FAM111B: variants seen among roughly 807,000 people sequenced by gnomAD.
FAM111B encodes the protein serine protease FAM111B.
Under a neutral mutation model 2.8 loss-of-function variants are expected in FAM111B, and 1 was observed. The observed-to-expected ratio is 0.36, with a 90% CI of 0.13 to 1.70. The LOEUF is 1.70. Ranked by LOEUF, FAM111B falls within the 40% of genes most tolerant of loss-of-function variation. The pLI is 0.35. For synonymous variants in FAM111B, 297 were observed against 295.6 expected, an observed-to-expected ratio of 1.00 and a Z score of -0.05; for missense variants, 882 against 878.9, an observed-to-expected ratio of 1.00 and a Z score of -0.04.
chr11:59,118,128 A>G (rs749085702), intron 3 of FAM111B, among the ~76,000 whole-genome samples: 5 of 152,218 alleles, frequency 3.3e-5, no homozygotes, highest in African/African-American at 7.2e-5. Flanking sequence ...TTCATCTGCA[A>G]TGCAGTGGAA....
intron 3 of FAM111B, among the ~76,000 whole-genome samples, chr11:59,121,910 C>T (rs1332219200): frequency 6.6e-6 from 1 of 152,002 alleles, no homozygotes; most frequent in South Asian, 2.1e-4. Context: ...TTTGGGAGGC[C>T]GAGGCAGGTG....
At position 59,126,605 on chromosome 11, in the gene FAM111B, C is replaced by CT; in HGVS notation, c.*307dup. 4.4e-6 allele frequency: 1 copy of CT among 229,630 alleles called. No individual in the cohort carries two copies. 14.2% of individuals were successfully genotyped at this position (229,630 alleles called of 1,614,324 possible). ...AGTGGGCAAAGGACATGAACAAACA[C>CT]TTTTCAAAAGAAGATATACACATGG... is the stretch of plus-strand genomic sequence containing the variant. On this transcript the variant is annotated 3_prime_UTR_variant, in exon 4 of 4. Coordinates refer to ENST00000343597, the MANE Select transcript of FAM111B (RefSeq NM_198947.4).
chr11:59,126,570 C>T lies in FAM111B; in HGVS notation c.*268C>T. 1 of 296,476 alleles carries T rather than the reference C, an allele frequency of 3.4e-6. No homozygotes were observed. The allele number at this position is 296,476 out of a possible 1,614,324, so 18.4% of individuals were successfully genotyped here. A position where few individuals can be genotyped will look rare whatever the true frequency, so the allele number is the denominator to read the frequency against. On this transcript the variant is annotated 3_prime_UTR_variant, in exon 4 of 4. Transcript: ENST00000343597. Reference sequence around the variant, plus strand: ...TTAACAAGCAAAAAAAACAAGCAACCCCATTAAAAAGTGGGCAAAGGACAT... The same window carrying T: ...TTAACAAGCAAAAAAAACAAGCAACTCCATTAAAAAGTGGGCAAAGGACAT...
chr11:59,107,553 C>G (rs1449244001), intron 1 of FAM111B, among the ~76,000 whole-genome samples: 6 of 152,130 alleles, frequency 3.9e-5, no homozygotes, highest in Non-Finnish European at 8.8e-5. Context: ...CTTTCCCTGC[C>G]CGGTGCCGTT....
At position 59,126,752 on chromosome 11, in the gene FAM111B, C is replaced by T. The variant is rs73489484; in HGVS notation, c.*450C>T. 0.019 allele frequency: 3,049 copies of T among 158,360 alleles called. 95 individuals are homozygous for T. Among genetic ancestry groups the T allele is most frequent in the African/African-American group, 0.064 (2,641 of 41,534 alleles). The allele number at this position is 158,360 out of a possible 1,614,324, so 9.8% of individuals were successfully genotyped here. A position where few individuals can be genotyped will look rare whatever the true frequency, so the allele number is the denominator to read the frequency against. The stretch of plus-strand genomic sequence containing the variant: ...AATGCCAAAAAATTACAGATGCTGG[C>T]GAGGTTGCAGAGAAAGGGGAATGCT... On this transcript the variant is annotated 3_prime_UTR_variant, in exon 4 of 4. Coordinates refer to ENST00000343597, the MANE Select transcript of FAM111B (RefSeq NM_198947.4).
rs760756005 is a variant in FAM111B, at chr11:59,125,688, T to C, written c.1591T>C (p.Ser531Pro). Residue 531 changes from serine (S) to proline (P), a missense_variant, in exon 4 of 4, where the codon TCC becomes CCC. Coordinates refer to ENST00000343597, the MANE Select transcript of FAM111B (RefSeq NM_198947.4). ...CTGCCCTACTCCTGACAATTGGTTTTCCATTGAGCCATGGCTTAAAGTGTC... is the reference window on the plus strand; with the variant it reads ...CTGCCCTACTCCTGACAATTGGTTTCCCATTGAGCCATGGCTTAAAGTGTC... ...EFCPTPDNWF[S>P]IEPWLKVSNE... 5 of 1,613,810 alleles carry C rather than the reference T, an allele frequency of 3.1e-6. No homozygotes were observed. The South Asian group carries it at 4.4e-5, about 14-fold the overall frequency.
chr11:59,124,213 C>T lies in FAM111B; in HGVS notation c.116C>T (p.Pro39Leu). 6.2e-7 allele frequency: 1 copy of T among 1,613,308 alleles called. No individual in the cohort carries two copies. The highest frequency in any genetic ancestry group is 8.5e-7 in the Non-Finnish European group (1 of 1,179,536). ...TVMKQTHADT[P>L]VDHCLSGIRK... ...ATGAAGCAGACACATGCTGACACAC[C>T]TGTTGATCATTGTCTATCTGGCATA... Residue 39 changes from proline to leucine, a missense_variant, in exon 4 of 4, where the codon CCT becomes CTT. By Grantham distance (98) the Pro-to-Leu change is moderately conservative. Coordinates refer to ENST00000343597, the MANE Select transcript of FAM111B (RefSeq NM_198947.4).
rs765515289 is a variant in FAM111B, at chr11:59,124,999, C to CT, written c.903dup (p.Lys302Ter). The stretch of plus-strand genomic sequence containing the variant: ...ATTAATCACCAGAGTCTGATACAGT[C>CT]TAAGAAAAAAGTCCACAAACCAAAG... On this transcript the variant is annotated frameshift_variant, in exon 4 of 4. Transcript: ENST00000343597. LOFTEE classifies it low-confidence loss of function (END_TRUNC). The CT allele has an allele frequency of 3.1e-6, 5 of 1,612,284 alleles. No individual in the cohort carries two copies. The highest frequency in any genetic ancestry group is 4.2e-6 in the Non-Finnish European group (5 of 1,179,608).
chr11:59,110,598 G>C (rs569207048), intron 3 of FAM111B, among the ~76,000 whole-genome samples: 23 of 152,154 alleles, frequency 1.5e-4, no homozygotes, highest in Admixed American at 1.0e-3. Flanking sequence ...GGAGGTGATA[G>C]ATAGGTTGAT....
At chr11:59,111,884 G>A (rs1408508358) in intron 3 of FAM111B, among the ~76,000 whole-genome samples, 2 of 152,044 alleles carry the variant, frequency 1.3e-5, no homozygotes, top group Non-Finnish European at 2.9e-5. Flanking sequence ...GGCAAAAGTA[G>A]AAGATACAAA....
At chr11:59,110,312 G>A (rs977537826) in intron 3 of FAM111B, among the ~76,000 whole-genome samples, 12 of 152,128 alleles carry the variant, frequency 7.9e-5, no homozygotes, top group African/African-American at 1.9e-4. Context: ...CTACAGCAGC[G>A]TCATATGAGA....
At chr11:59,115,012 T>G (rs1314216166) in intron 3 of FAM111B, among the ~76,000 whole-genome samples, 1 of 152,056 alleles carries the variant, frequency 6.6e-6, no homozygotes, top group Non-Finnish European at 1.5e-5. Flanking sequence ...AGTACAAAGG[T>G]TCAGAGATGG....
intron 3 of FAM111B, among the ~76,000 whole-genome samples, chr11:59,120,257 T>C (rs1859900498): frequency 6.6e-6 from 1 of 152,154 alleles, no homozygotes. Flanking sequence ...ACCATTGGAA[T>C]AGAACAGAGA....
At chr11:59,122,154 TAAATA>T (rs1442522693) in intron 3 of FAM111B, among the ~76,000 whole-genome samples, 7 of 151,836 alleles carry the variant, frequency 4.6e-5, no homozygotes, top group South Asian at 4.2e-4. Flanking sequence ...AAAAAATAAA[TAAATA>T]AAATAAAATA....
Position 59,109,009 on chromosome 11 carries a change from A to G in FAM111B, c.-87+297A>G, listed in dbSNP as rs552841280. ...ATTAGGTGGGAGCAGAACTAGGGCT[A>G]ATTTTGTCCTACTGCGGAAGAAATA... On this transcript the variant is annotated intron_variant, in intron 2 of 3. Transcript: ENST00000343597. Among the ~76,000 whole-genome samples the G allele has an allele frequency of 2.0e-3, 306 of 152,090 alleles. 4 individuals are homozygous for G. Among genetic ancestry groups the G allele is most frequent in the African/African-American group, 7.0e-3 (290 of 41,402 alleles).
At chr11:59,121,644 C>A (rs1407320844) in intron 3 of FAM111B, among the ~76,000 whole-genome samples, 2 of 152,130 alleles carry the variant, frequency 1.3e-5, no homozygotes, top group African/African-American at 2.4e-5. Context: ...TGAAGTTGAG[C>A]AATTCCACTT....
At chr11:59,111,106 T>A (rs1245269352) in intron 3 of FAM111B, among the ~76,000 whole-genome samples, 6 of 152,194 alleles carry the variant, frequency 3.9e-5, no homozygotes, top group Admixed American at 2.0e-4. Context: ...CCTGGCTGGC[T>A]TTCTGCATAG....
Position 59,124,491 on chromosome 11 carries a change from T to C in FAM111B, c.394T>C (p.Tyr132His), listed in dbSNP as rs779573992. The change falls in exon 4 of 4, where the codon TAT becomes CAT. Residue 132 changes from tyrosine to histidine, a missense_variant. Physicochemically the swap from Tyr to His is moderately conservative, Grantham distance 83 (BLOSUM62 2). Coordinates refer to ENST00000343597, the MANE Select transcript of FAM111B (RefSeq NM_198947.4). ...KNQFNKNIIV[Y>H]EEKTIDGHIN... The stretch of plus-strand genomic sequence containing the variant: ...TCAGTTTAATAAGAACATTATTGTT[T>C]ATGAAGAAAAGACAATAGATGGACA... 25 of 1,612,108 alleles carry C rather than the reference T, an allele frequency of 1.6e-5. No homozygotes were observed. In the East Asian group the frequency reaches 5.1e-4, roughly 33 times the overall value.
intron 3 of FAM111B, among the ~76,000 whole-genome samples, chr11:59,118,788 TCTA>T (rs1859878147): frequency 2.2e-5 from 1 of 46,388 alleles, no homozygotes; most frequent in Non-Finnish European, 4.3e-5. Flanking sequence ...AAATACTTTC[TCTA>T]TGTCTGTTGA....
Sources: gnomAD v4.1 joint callset for allele counts (sites outside exome capture counted in the v4.1 genomes callset) on GRCh38, gnomAD v4.1.1 for gene constraint, MANE v1.5 for transcripts, NCBI Gene and HGNC (gene_info 2026-07-23, HGNC 2026-07-21) for gene names.